Variants in UBL3 observed in about 807,000 individuals in gnomAD.
UBL3 encodes the protein ubiquitin like 3.
Under a neutral mutation model 18.4 loss-of-function variants are expected in UBL3, and 6 were observed. The ratio of observed to expected loss-of-function variants is 0.33; its 90% CI spans 0.18 to 0.64. UBL3 has a LOEUF of 0.64. Ranked by LOEUF, UBL3 falls within the 30% of genes least tolerant of loss-of-function variation. UBL3 has a pLI of 0.76. For synonymous variants in UBL3, 49 were observed against 46.6 expected, an observed-to-expected ratio of 1.05 and a Z score of -0.21; for missense variants, 109 against 142.9, an observed-to-expected ratio of 0.76 and a Z score of 1.21.
At chr13:29,839,751 C>G (rs2388245) in intron 1 of UBL3, among the ~76,000 whole-genome samples, 28,060 of 151,964 alleles carry the variant, frequency 0.18, 2,834 homozygotes, top group African/African-American at 0.26. Context: ...CACGGTGAGA[C>G]CCCGTCTCTA....
chr13:29,849,574 A>G lies in UBL3; in HGVS notation c.-36T>C. On this transcript the variant is annotated 5_prime_UTR_variant, in exon 1 of 5. Coordinates refer to ENST00000380680, the MANE Select transcript of UBL3 (RefSeq NM_007106.4). The stretch of plus-strand genomic sequence containing the variant: ...GATATACACCCAGATGTTTACGAAA[A>G]AAACAAACAAAGAAAAAAGAGCAGA... The G allele has an allele frequency of 6.2e-7, 1 of 1,612,894 alleles. No individual in the cohort carries two copies. The highest frequency in any genetic ancestry group is 8.5e-7 in the Non-Finnish European group (1 of 1,179,842).
intron 3 of UBL3, among the ~76,000 whole-genome samples, chr13:29,771,508 G>A (rs1019532745): frequency 6.6e-6 from 1 of 152,010 alleles, no homozygotes; most frequent in Non-Finnish European, 1.5e-5. Flanking sequence ...AACCTATGAG[G>A]TAGGCACTAC....
At chr13:29,826,804 T>C (rs1878632454) in intron 1 of UBL3, among the ~76,000 whole-genome samples, 1 of 152,226 alleles carries the variant, frequency 6.6e-6, no homozygotes, top group South Asian at 2.1e-4. Context: ...TCTTTCCTGC[T>C]TTCTCTTGTG....
At chr13:29,837,945 T>TAATAATAATAA (rs59372710) in intron 1 of UBL3, among the ~76,000 whole-genome samples, 6 of 149,678 alleles carry the variant, frequency 4.0e-5, no homozygotes, top group African/African-American at 4.9e-5. Context: ...ATAATAATAA[T>TAATAATAATAA]TTTAGCTAAT....
At chr13:29,811,614 C>G (rs1023207602) in intron 1 of UBL3, among the ~76,000 whole-genome samples, 2 of 152,046 alleles carry the variant, frequency 1.3e-5, no homozygotes, top group Non-Finnish European at 2.9e-5. Flanking sequence ...CTCTTCTTGT[C>G]TTTCAACTGG....
rs1282632557 is a variant in UBL3, at chr13:29,767,794, G to C, written c.224-99C>G. 9 of 1,019,760 alleles carry C rather than the reference G, an allele frequency of 8.8e-6. No homozygotes were observed. The Admixed American group carries it at 2.3e-4, about 26-fold the overall frequency. 63.2% of individuals were successfully genotyped at this position (1,019,760 alleles called of 1,614,324 possible). A position where few individuals can be genotyped will look rare whatever the true frequency, so the allele number is the denominator to read the frequency against. On this transcript the variant is annotated intron_variant, in intron 3 of 4. Transcript: ENST00000380680. Reference sequence around the variant, plus strand: ...TTTTAAAAATTGATTGCTTTTTTATGACTTCTTTAACAGATTCAACTTAAC... The same window carrying C: ...TTTTAAAAATTGATTGCTTTTTTATCACTTCTTTAACAGATTCAACTTAAC...
At chr13:29,811,758 C>T (rs1878093052) in intron 1 of UBL3, among the ~76,000 whole-genome samples, 1 of 152,070 alleles carries the variant, frequency 6.6e-6, no homozygotes, top group Non-Finnish European at 1.5e-5. Context: ...GCCAGAATGC[C>T]TTTTTCCCAA....
At chr13:29,799,224 G>A (rs889527076) in intron 1 of UBL3, among the ~76,000 whole-genome samples, 4 of 152,064 alleles carry the variant, frequency 2.6e-5, no homozygotes, top group East Asian at 3.9e-4. Flanking sequence ...CCCTGCCCCC[G>A]GCAAAGTTGT....
chr13:29,780,760 G>A (rs1593652757), intron 1 of UBL3, among the ~76,000 whole-genome samples: 1 of 151,992 alleles, frequency 6.6e-6, no homozygotes, highest in Non-Finnish European at 1.5e-5. Context: ...TTTCTACTTT[G>A]TTTTCCTGTC....
chr13:29,833,545 C>T (rs1018511047), intron 1 of UBL3, among the ~76,000 whole-genome samples: 19 of 152,146 alleles, frequency 1.2e-4, no homozygotes, highest in South Asian at 2.1e-4. Context: ...AGGCAATATT[C>T]CCTCTGCCTA....
In UBL3 at chr13:29,765,849, TTTACA is replaced by T. The variant is rs1456924949; in HGVS notation, c.*1401_*1405del. On this transcript the variant is annotated 3_prime_UTR_variant, in exon 5 of 5. Coordinates refer to ENST00000380680, the MANE Select transcript of UBL3 (RefSeq NM_007106.4). The stretch of plus-strand genomic sequence containing the variant: ...AAACAACGCTGACCATTTGAAACCA[TTTACA>T]TTTAATGTTTGTAAGGGCTGTTGAC... The T allele has an allele frequency of 1.4e-5, 2 of 146,486 alleles. No individual in the cohort carries two copies. The highest frequency in any genetic ancestry group is 3.0e-5 in the Non-Finnish European group (2 of 66,642). 9.1% of individuals were successfully genotyped at this position (146,486 alleles called of 1,614,324 possible).
chr13:29,778,433 T>C (rs1877057261), intron 1 of UBL3, among the ~76,000 whole-genome samples: 1 of 152,168 alleles, frequency 6.6e-6, no homozygotes, highest in South Asian at 2.1e-4. Flanking sequence ...CTCCTGGCCT[T>C]TGTTAAAAGA....
intron 1 of UBL3, among the ~76,000 whole-genome samples, chr13:29,812,885 T>A (rs1162641830): frequency 6.6e-6 from 1 of 152,076 alleles, no homozygotes; most frequent in Non-Finnish European, 1.5e-5. Context: ...TTTGGATATA[T>A]CAAGTGAAAT....
chr13:29,804,632 A>G (rs969993259), intron 1 of UBL3, among the ~76,000 whole-genome samples: 2 of 152,164 alleles, frequency 1.3e-5, no homozygotes, highest in South Asian at 4.1e-4. Flanking sequence ...CTGACCCCAC[A>G]GTAATACAAA....
chr13:29,784,267 ATGGTCTT>A (rs1877250481), intron 1 of UBL3, among the ~76,000 whole-genome samples: 1 of 152,218 alleles, frequency 6.6e-6, no homozygotes, highest in South Asian at 2.1e-4. Flanking sequence ...ACTGACTAGA[ATGGTCTT>A]TGGATATAAA....
At chr13:29,834,131 A>C (rs2794296) in intron 1 of UBL3, among the ~76,000 whole-genome samples, 4,374 of 151,054 alleles carry the variant, frequency 0.029, 127 homozygotes, top group African/African-American at 0.061. Context: ...CAGTGAGCTG[A>C]GATCGCGCCA....
rs761240816 is a variant in UBL3 at position 29,850,585 on chromosome 13, A to AGCGGCG, written c.-1053_-1048dup. 4.4e-3 allele frequency: 685 copies of AGCGGCG among 156,036 alleles called. 6 individuals carry two copies. The highest frequency in any genetic ancestry group is 0.014 in the African/African-American group (585 of 41,548). The allele number at this position is 156,036 out of a possible 1,614,324, so 9.7% of individuals were successfully genotyped here. A position where few individuals can be genotyped will look rare whatever the true frequency, so the allele number is the denominator to read the frequency against. ...TCGCCTCTCAAACCAACATGGCGGC[A>AGCGGCG]GCGGCGGCGGCGGCGGCTGCCTGAG... On this transcript the variant is annotated 5_prime_UTR_variant, in exon 1 of 5. Transcript: ENST00000380680.
intron 1 of UBL3, among the ~76,000 whole-genome samples, chr13:29,784,882 T>C (rs1379373754): frequency 6.6e-6 from 1 of 152,002 alleles, no homozygotes; most frequent in Admixed American, 6.6e-5. Context: ...ACTGGACAAA[T>C]ATTAATAAAG....
chr13:29,820,012 A>T (rs1170220236), intron 1 of UBL3, among the ~76,000 whole-genome samples: 10 of 152,166 alleles, frequency 6.6e-5, no homozygotes, highest in Admixed American at 6.5e-4. Context: ...TGTTCCCATA[A>T]GCCTAACAAT....
Sources: allele counts gnomAD v4.1 joint callset (sites outside exome capture counted in the v4.1 genomes callset), GRCh38; gene constraint gnomAD v4.1.1; transcripts MANE v1.5; gene names NCBI Gene and HGNC (gene_info 2026-07-23, HGNC 2026-07-21).